Variants in RAB12 observed in about 807,000 individuals in gnomAD.
The protein encoded by RAB12 is ras-related protein Rab-12.
Under a neutral mutation model 28.4 loss-of-function variants are expected in RAB12, and 11 were observed. The observed-to-expected ratio is 0.39, with a 90% confidence interval of 0.24 to 0.64. RAB12 has a LOEUF of 0.64. Among genes scored for constraint, RAB12 ranks in the 30% least tolerant of loss-of-function variants. The pLI, the probability that RAB12 is intolerant of heterozygous loss-of-function variation, is 0.50. For synonymous variants in RAB12, 138 were observed against 145.3 expected (o/e 0.95, Z 0.36); for missense variants, 276 against 351.1 (o/e 0.79, Z 1.71).
Position 8,638,174 on chromosome 18 carries a change from A to C in RAB12, c.935A>C (p.Glu312Ala), listed in dbSNP as rs2096020030. ...KKMPLDILRN[E>A]LSNSILSLQP... ...ATGCCTCTGGATATTTTAAGGAATG[A>C]GTTGTCCAATAGTATCCTGTCGTTA... The change falls in exon 6 of 6, where the codon GAG becomes GCG. Residue 312 changes from glutamate (E) to alanine (A), a missense_variant. Coordinates refer to ENST00000649141, the MANE Select transcript of RAB12 (RefSeq NM_001025300.3). The C allele has an allele frequency of 1.2e-6, 2 of 1,613,298 alleles. No individual in the cohort carries two copies. The highest frequency in any genetic ancestry group is 1.7e-6 in the Non-Finnish European group (2 of 1,179,436).
intron 5 of RAB12, 56 bp downstream of exon 5, chr18:8,636,413 T>G: frequency 9.3e-7 from 1 of 1,077,020 alleles, no homozygotes; most frequent in Non-Finnish European, 1.3e-6. Flanking sequence ...GTTGTTTCCT[T>G]TATTGCTTTT....
At chr18:8,618,384 TA>T (rs890638421) in intron 1 of RAB12, among the ~76,000 whole-genome samples, 4 of 152,190 alleles carry the variant, frequency 2.6e-5, no homozygotes, top group Admixed American at 2.0e-4. Context: ...AAATATTTTA[TA>T]GTTATAGTAC....
intron 2 of RAB12, among the ~76,000 whole-genome samples, chr18:8,626,705 G>A (rs2096012878): frequency 1.3e-5 from 2 of 152,216 alleles, no homozygotes. Flanking sequence ...ACGAAGAGCA[G>A]CGGGCACTCA....
rs748589565 is a variant in RAB12 at position 8,636,283 on chromosome 18, T to G, written c.835T>G (p.Cys279Gly). ...ACAGCAGATCACTGGGATGCGGTTC[T>G]GTGAAGCAAGTGCCAAGGATAACTT... ...FAQQITGMRF[C>G]EASAKDNFNV... Residue 279 changes from cysteine (C) to glycine (G), a missense_variant, in exon 5 of 6, where the codon TGT (cysteine) becomes GGT (glycine). By Grantham distance (159) the Cys-to-Gly change is radical. This residue lies in a region of RAB12 where 127 missense variants were observed against 161.4 expected (regional missense o/e 0.79). Coordinates refer to ENST00000649141, the MANE Select transcript of RAB12 (RefSeq NM_001025300.3). 2.5e-6 allele frequency: 4 copies of G among 1,613,776 alleles called. No individual in the cohort carries two copies. Among genetic ancestry groups the G allele is most frequent in the Admixed American group, 1.7e-5 (1 of 60,014 alleles).
In RAB12 at chr18:8,624,984, T is replaced by C. The variant is rs1389053419; in HGVS notation, c.561T>C (p.Ile187=). 1 of 1,601,544 alleles carries C rather than the reference T, an allele frequency of 6.2e-7. No individual in the cohort carries two copies. The highest frequency in any genetic ancestry group is 8.6e-7 in the Non-Finnish European group (1 of 1,168,886). Residue 187 remains isoleucine, a synonymous_variant, in exon 2 of 6, where the codon ATT becomes ATC. Transcript: ENST00000649141. ...CTGTAGAGCTAAGAGGAAAGAAAAT[T>C]AGATTACAGATCTGGTAAGTGGGAG... is the stretch of plus-strand genomic sequence containing the variant. ...IKTVELRGKK[I]RLQIWDTAGQ... is the part of the protein sequence containing the mutation.
At chr18:8,616,920 C>T (rs2096007022) in intron 1 of RAB12, among the ~76,000 whole-genome samples, 1 of 152,162 alleles carries the variant, frequency 6.6e-6, no homozygotes, top group South Asian at 2.1e-4. Flanking sequence ...CAGAGTGAGA[C>T]CTTGTCTCAA....
At chr18:8,624,822 T>A (rs1266388623) in intron 1 of RAB12, 116 bp from the exon 2 acceptor site, 1 of 694,082 alleles carries the variant, frequency 1.4e-6, no homozygotes, top group African/African-American at 1.8e-5. Flanking sequence ...GATGTCAGGT[T>A]TCGTGGGGTT....
intron 1 of RAB12, among the ~76,000 whole-genome samples, chr18:8,624,070 C>T (rs1473304937): frequency 6.6e-6 from 1 of 152,262 alleles, no homozygotes; most frequent in Non-Finnish European, 1.5e-5. Flanking sequence ...TGGGCACCTG[C>T]TGGCCCGGGG....
intron 1 of RAB12, among the ~76,000 whole-genome samples, chr18:8,621,845 C>G (rs369883553): frequency 2.6e-5 from 4 of 152,164 alleles, no homozygotes; most frequent in African/African-American, 7.2e-5. Context: ...AAAACAGGTT[C>G]TTAGCCCTAT....
intron 1 of RAB12, among the ~76,000 whole-genome samples, chr18:8,612,356 A>G (rs2096004300): frequency 6.6e-6 from 1 of 151,160 alleles, no homozygotes; most frequent in South Asian, 2.1e-4. Context: ...GTGGTGTAGA[A>G]TTGTGGTTGC....
intron 1 of RAB12, among the ~76,000 whole-genome samples, chr18:8,615,465 A>C (rs2096006238): frequency 6.6e-6 from 1 of 152,208 alleles, no homozygotes; most frequent in Admixed American, 6.5e-5. Flanking sequence ...CACTTAAGAG[A>C]GAATTAAGGA....
chr18:8,614,513 A>AAAG (rs2096005638), intron 1 of RAB12, among the ~76,000 whole-genome samples: 3 of 141,892 alleles, frequency 2.1e-5, no homozygotes, highest in South Asian at 4.6e-4. Flanking sequence ...ATTAAAAAAA[A>AAAG]AAAAAGAAAA....
intron 1 of RAB12, among the ~76,000 whole-genome samples, chr18:8,620,738 A>G (rs1270141716): frequency 6.6e-6 from 1 of 152,162 alleles, no homozygotes; most frequent in East Asian, 1.9e-4. Flanking sequence ...GAAGATGACT[A>G]CATCCTCGGA....
chr18:8,621,880 G>A (rs1350003654), intron 1 of RAB12, among the ~76,000 whole-genome samples: 1 of 152,094 alleles, frequency 6.6e-6, no homozygotes, highest in East Asian at 1.9e-4. Context: ...TCTTTGCTTT[G>A]TTTTCCTATT....
intron 1 of RAB12, among the ~76,000 whole-genome samples, chr18:8,623,672 A>C (rs2096011152): frequency 6.6e-6 from 1 of 152,242 alleles, no homozygotes; most frequent in Non-Finnish European, 1.5e-5. Flanking sequence ...GACTTTGGAA[A>C]GCAAATCATT....
chr18:8,616,708 TAAAAA>T (rs911107019), intron 1 of RAB12, among the ~76,000 whole-genome samples: 4 of 136,798 alleles, frequency 2.9e-5, no homozygotes, highest in African/African-American at 1.1e-4. Flanking sequence ...ATTTTTTACT[TAAAAA>T]GAAAAAAGAG....
intron 1 of RAB12, among the ~76,000 whole-genome samples, chr18:8,622,334 G>A (rs183773988): frequency 4.6e-5 from 7 of 152,186 alleles, no homozygotes; most frequent in Non-Finnish European, 1.0e-4. Context: ...CGTTAGTCAC[G>A]TAGGTTCTTT....
intron 1 of RAB12, 27 bp downstream of exon 1, chr18:8,609,980 CG>C: frequency 6.3e-7 from 1 of 1,580,004 alleles, no homozygotes; most frequent in Middle Eastern, 1.7e-4. Context: ...GACCCTGGGC[CG>C]GGCCTCCTGG....
intron 1 of RAB12, among the ~76,000 whole-genome samples, chr18:8,610,971 T>A (rs1386309108): frequency 2.6e-5 from 4 of 152,224 alleles, no homozygotes; most frequent in Non-Finnish European, 5.9e-5. Context: ...TTGAGATGAC[T>A]TGATTTGAAA....
Sources: allele counts gnomAD v4.1 joint callset (sites outside exome capture counted in the v4.1 genomes callset), GRCh38; gene constraint gnomAD v4.1.1; regional missense constraint gnomAD v4.1.1; transcripts MANE v1.5; gene names NCBI Gene and HGNC (gene_info 2026-07-23, HGNC 2026-07-21).